The following RNF111 variants were observed in gnomAD, a reference collection of about 807,000 sequenced individuals.
RNF111 encodes E3 ubiquitin-protein ligase Arkadia.
A neutral mutation model predicts 95.1 loss-of-function variants in RNF111; 17 were observed. That is an observed-to-expected ratio of 0.18 (90% CI 0.12 to 0.27). The LOEUF is 0.27. RNF111 is among the 10% of genes least tolerant of loss of function. The pLI, the probability that RNF111 is intolerant of heterozygous loss-of-function variation, is 1.00. For synonymous variants in RNF111, 440 were observed against 414.8 expected (o/e 1.06, Z -0.74); for missense variants, 1,189 against 1,210.4 (o/e 0.98, Z 0.26).
intron 2 of RNF111, among the ~76,000 whole-genome samples, 169 bp downstream of exon 2, chr15:59,031,871 C>T (rs959898358): frequency 6.6e-6 from 1 of 152,064 alleles, no homozygotes; most frequent in Non-Finnish European, 1.5e-5. Flanking sequence ...GACTCTAATG[C>T]TAAGATAAAA....
chr15:59,078,549 C>G (rs1302002188), intron 7 of RNF111, among the ~76,000 whole-genome samples: 1 of 115,696 alleles, frequency 8.6e-6, no homozygotes, highest in African/African-American at 3.4e-5. Flanking sequence ...GAGAACCTGT[C>G]TCTAAAAAAA....
chr15:59,087,340 A>C (rs993844814), intron 10 of RNF111, among the ~76,000 whole-genome samples: 1 of 152,212 alleles, frequency 6.6e-6, no homozygotes. Flanking sequence ...TGAGAAACAC[A>C]GTTAAAATAA....
At chr15:59,068,269 A>G (rs948581456) in intron 6 of RNF111, among the ~76,000 whole-genome samples, 2 of 152,020 alleles carry the variant, frequency 1.3e-5, no homozygotes, top group Non-Finnish European at 2.9e-5. Context: ...TCAGAGAAAA[A>G]TTGTAATTTT....
chr15:59,002,605 A>T (rs1274873472), intron 1 of RNF111, among the ~76,000 whole-genome samples: 3 of 152,020 alleles, frequency 2.0e-5, no homozygotes, highest in Non-Finnish European at 4.4e-5. Context: ...TTAGATAGTC[A>T]TTTAGATCCA....
intron 1 of RNF111, among the ~76,000 whole-genome samples, chr15:59,029,757 G>C (rs11855063): frequency 0.29 from 44,731 of 152,056 alleles, 8,287 homozygotes; most frequent in Non-Finnish European, 0.42. Context: ...CTGTAGTAAT[G>C]GGAAGAAGAT....
In RNF111 at chr15:59,051,771, CAATAAATAAATAAATAAATA is replaced by C. The variant is rs56358103; in HGVS notation, c.881-518_881-499del. Reference sequence around the variant, plus strand: ...TGGGCAACAGAGTGAGAAACTGTCTCAATAAATAAATAAATAAATAAATAAATAAATAAATGAATAAATAA... The same window carrying C: ...TGGGCAACAGAGTGAGAAACTGTCTCAATAAATAAATAAATGAATAAATAA... On this transcript the variant is annotated intron_variant, in intron 2 of 13. Transcript: ENST00000348370. Among the ~76,000 whole-genome samples the C allele has an allele frequency of 2.7e-5, 4 of 149,910 alleles. No homozygotes were observed. In the East Asian group the frequency reaches 7.8e-4, roughly 29 times the overall value.
At chr15:59,067,149 C>G (rs1423267289) in intron 6 of RNF111, 66 bp downstream of exon 6, 29 of 1,319,410 alleles carry the variant, frequency 2.2e-5, no homozygotes, top group Non-Finnish European at 3.0e-5. Context: ...CTCCTTCTCC[C>G]TTTTCTCTCT....
At chr15:59,005,657 G>A (rs1447260121) in intron 1 of RNF111, among the ~76,000 whole-genome samples, 1 of 152,052 alleles carries the variant, frequency 6.6e-6, no homozygotes, top group Non-Finnish European at 1.5e-5. Flanking sequence ...GTAGCTAGAG[G>A]ATTGAAGTCG....
At chr15:58,995,686 G>T (rs1483335193) in intron 1 of RNF111, among the ~76,000 whole-genome samples, 1 of 150,614 alleles carries the variant, frequency 6.6e-6, no homozygotes, top group Non-Finnish European at 1.5e-5. Flanking sequence ...TTGAACTCCT[G>T]ACCTTGTGAC....
chr15:58,992,735 G>A (rs1410911758), intron 1 of RNF111, among the ~76,000 whole-genome samples: 1 of 152,142 alleles, frequency 6.6e-6, no homozygotes, highest in Non-Finnish European at 1.5e-5. Flanking sequence ...TGAGAGGATG[G>A]CTTGAGCCCG....
At position 59,052,437 on chromosome 15, in the gene RNF111, A is replaced by T. The variant is rs1555394838; in HGVS notation, c.1007+6A>T. 1.3e-6 allele frequency: 2 copies of T among 1,551,920 alleles called. No homozygotes were observed. The highest frequency in any genetic ancestry group is 2.5e-5 in the South Asian group (2 of 78,654). ...ACAGTTGGAGAAAGCTATCGGTGAG[A>T]TTTTAATTCTTAGTTAAATGTTTGA... is the stretch of plus-strand genomic sequence containing the variant. On this transcript the variant is annotated splice_donor_region_variant and intron_variant, in intron 3 of 13. Coordinates refer to ENST00000348370, the MANE Select transcript of RNF111 (RefSeq NM_017610.8).
At chr15:59,072,540 A>G (rs1410504322) in intron 6 of RNF111, among the ~76,000 whole-genome samples, 2 of 130,638 alleles carry the variant, frequency 1.5e-5, no homozygotes, top group African/African-American at 3.0e-5. Context: ...TGAAAGCTCC[A>G]CCTCCCAGGT....
intron 2 of RNF111, among the ~76,000 whole-genome samples, chr15:59,039,925 C>T (rs566998890): frequency 1.8e-4 from 28 of 151,992 alleles, no homozygotes; most frequent in Admixed American, 1.7e-3. Context: ...CCGTGTTGGC[C>T]AGCATGGTCT....
chr15:59,029,026 C>T (rs1299329332), intron 1 of RNF111, among the ~76,000 whole-genome samples: 9 of 152,248 alleles, frequency 5.9e-5, no homozygotes, highest in East Asian at 1.9e-4. Flanking sequence ...GTGATCCGCC[C>T]GCCTTGGCCT....
chr15:59,060,068 T>C (rs1200171039), intron 5 of RNF111, among the ~76,000 whole-genome samples: 2 of 152,200 alleles, frequency 1.3e-5, no homozygotes, highest in Non-Finnish European at 2.9e-5. Flanking sequence ...GTATCTTTTT[T>C]GTTTTTTTGG....
At chr15:59,019,194 C>T (rs778889975) in intron 1 of RNF111, among the ~76,000 whole-genome samples, 28 of 151,148 alleles carry the variant, frequency 1.9e-4, no homozygotes, top group Non-Finnish European at 4.0e-4. Flanking sequence ...CTGCCTTGGC[C>T]TCACAAAGTG....
chr15:58,993,719 C>T (rs1346359939), intron 1 of RNF111, among the ~76,000 whole-genome samples: 2 of 152,182 alleles, frequency 1.3e-5, no homozygotes, highest in African/African-American at 4.8e-5. Context: ...CTCTTAACAC[C>T]TGCCTGAAGG....
intron 6 of RNF111, among the ~76,000 whole-genome samples, chr15:59,072,917 C>T (rs2140111843): frequency 6.7e-6 from 1 of 149,446 alleles, no homozygotes; most frequent in African/African-American, 2.5e-5. Flanking sequence ...GCTGGGCATG[C>T]TGGCTCATGC....
intron 1 of RNF111, among the ~76,000 whole-genome samples, chr15:59,018,720 T>TA (rs1472800927): frequency 6.6e-6 from 1 of 152,210 alleles, no homozygotes; most frequent in Non-Finnish European, 1.5e-5. Flanking sequence ...ATAGCAGACT[T>TA]ACTTGTAGTC....
Sources: allele counts gnomAD v4.1 joint callset (sites outside exome capture counted in the v4.1 genomes callset), GRCh38; gene constraint gnomAD v4.1.1; transcripts MANE v1.5; gene names NCBI Gene and HGNC (gene_info 2026-07-23, HGNC 2026-07-21).